Variants in MAP2 observed in about 807,000 individuals in gnomAD.
MAP2 encodes microtubule associated protein 2, also known as microtubule-associated protein 2.
Under a neutral mutation model 137.6 loss-of-function variants are expected in MAP2, and 14 were observed. The observed-to-expected ratio is 0.10, with a 90% confidence interval of 0.07 to 0.16. The LOEUF is 0.16. Ranked by LOEUF, MAP2 falls within the 10% of genes least tolerant of loss-of-function variation. The pLI, the probability that MAP2 is intolerant of heterozygous loss-of-function variation, is 1.00. For missense variants in MAP2, 2,088 were observed against 2,191.5 expected, an observed-to-expected ratio of 0.95 and a Z score of 0.94; for synonymous variants, 786 against 782.3, an observed-to-expected ratio of 1.00 and a Z score of -0.08.
chr2:209,589,189 A>G (rs149906247), intron 3 of MAP2, among the ~76,000 whole-genome samples: 1 of 152,272 alleles, frequency 6.6e-6, no homozygotes, highest in East Asian at 1.9e-4. Flanking sequence ...TCACTTCTGT[A>G]CCACTTTTAA....
intron 4 of MAP2, among the ~76,000 whole-genome samples, chr2:209,645,568 T>C (rs1275896534): frequency 6.6e-6 from 1 of 152,204 alleles, no homozygotes; most frequent in Non-Finnish European, 1.5e-5. Context: ...AGACATTTTG[T>C]GTGGAAAATA....
At chr2:209,512,309 A>G (rs1201113876) in intron 2 of MAP2, among the ~76,000 whole-genome samples, 1 of 151,988 alleles carries the variant, frequency 6.6e-6, no homozygotes, top group Non-Finnish European at 1.5e-5. Flanking sequence ...ATTACATTTT[A>G]ATGCAAAAAA....
At chr2:209,561,568 A>G (rs2072100040) in intron 2 of MAP2, among the ~76,000 whole-genome samples, 1 of 152,224 alleles carries the variant, frequency 6.6e-6, no homozygotes, top group Non-Finnish European at 1.5e-5. Context: ...AGGTCTGATT[A>G]TTATGTGTAA....
At chr2:209,712,169 C>T (rs987428686) in intron 13 of MAP2, among the ~76,000 whole-genome samples, 3 of 152,032 alleles carry the variant, frequency 2.0e-5, no homozygotes, top group Admixed American at 6.6e-5. Flanking sequence ...AATGTGAAGA[C>T]GTCTGTTTTC....
chr2:209,568,484 G>A (rs972015102), intron 2 of MAP2, among the ~76,000 whole-genome samples: 1 of 151,864 alleles, frequency 6.6e-6, no homozygotes, highest in African/African-American at 2.4e-5. Flanking sequence ...AATTTAAATG[G>A]ATTGGCACTA....
At chr2:209,620,138 C>G (rs953063899) in intron 3 of MAP2, among the ~76,000 whole-genome samples, 3 of 152,166 alleles carry the variant, frequency 2.0e-5, no homozygotes, top group Non-Finnish European at 4.4e-5. Flanking sequence ...TGTGTAAAGC[C>G]TCTGAGACTT....
intron 2 of MAP2, among the ~76,000 whole-genome samples, chr2:209,523,609 G>A (rs1455079919): frequency 6.6e-6 from 1 of 152,150 alleles, no homozygotes. Context: ...GGCTCCTGTC[G>A]TAATTCAGCA....
At chr2:209,585,995 A>G (rs540801779) in intron 3 of MAP2, among the ~76,000 whole-genome samples, 1 of 152,292 alleles carries the variant, frequency 6.6e-6, no homozygotes, top group East Asian at 1.9e-4. Flanking sequence ...ACAGACTCAG[A>G]GAGTTGCACA....
intron 2 of MAP2, among the ~76,000 whole-genome samples, chr2:209,530,864 A>T (rs2065007548): frequency 6.6e-6 from 1 of 152,114 alleles, no homozygotes; most frequent in Non-Finnish European, 1.5e-5. Flanking sequence ...TGGGTTGCAA[A>T]ATGTGTCTTT....
At chr2:209,524,810 T>C (rs2063783168) in intron 2 of MAP2, among the ~76,000 whole-genome samples, 1 of 152,168 alleles carries the variant, frequency 6.6e-6, no homozygotes. Context: ...TTCTATGGAT[T>C]ACAAAGGGTG....
chr2:209,641,402 A>T (rs1181338272), intron 4 of MAP2, among the ~76,000 whole-genome samples: 1 of 152,104 alleles, frequency 6.6e-6, no homozygotes, highest in Non-Finnish European at 1.5e-5. Flanking sequence ...ATGTATGCTT[A>T]TGTAAGAAAA....
chr2:209,568,152 A>C (rs2153366773), intron 2 of MAP2, among the ~76,000 whole-genome samples: 1 of 152,106 alleles, frequency 6.6e-6, no homozygotes, highest in Admixed American at 6.5e-5. Flanking sequence ...ACCTTGGTAC[A>C]AGGACTAGAG....
At chr2:209,429,836 A>G (rs1350306672) in intron 1 of MAP2, among the ~76,000 whole-genome samples, 1 of 152,162 alleles carries the variant, frequency 6.6e-6, no homozygotes, top group East Asian at 1.9e-4. Flanking sequence ...TTGTTAATGC[A>G]TGGTGCTGAA....
chr2:209,474,723 A>T (rs1706728874), intron 1 of MAP2, among the ~76,000 whole-genome samples: 1 of 152,092 alleles, frequency 6.6e-6, no homozygotes. Flanking sequence ...TTAAAGCTCG[A>T]AATGGGTGAT....
intron 12 of MAP2, among the ~76,000 whole-genome samples, chr2:209,708,778 A>C (rs139929198): frequency 6.6e-6 from 1 of 152,172 alleles, no homozygotes; most frequent in East Asian, 1.9e-4. Flanking sequence ...TGAAATTTGC[A>C]TGCTTAAAAA....
At chr2:209,724,417 A>G (rs918805755) in intron 13 of MAP2, among the ~76,000 whole-genome samples, 1 of 152,198 alleles carries the variant, frequency 6.6e-6, no homozygotes, top group East Asian at 1.9e-4. Context: ...TAGTTTTTCA[A>G]AGGTGATCAG....
At chr2:209,654,050 G>A (rs2094974475) in intron 5 of MAP2, among the ~76,000 whole-genome samples, 1 of 152,134 alleles carries the variant, frequency 6.6e-6, no homozygotes, top group African/African-American at 2.4e-5. Flanking sequence ...GTATAGAAAG[G>A]CAAAGTTTAA....
Position 209,693,902 on chromosome 2 carries a change from T to G in MAP2, c.1732T>G (p.Leu578Val). 3 of 1,611,156 alleles carry G rather than the reference T, an allele frequency of 1.9e-6. No homozygotes were observed. Among genetic ancestry groups the G allele is most frequent in the East Asian group, 4.5e-5 (2 of 44,868 alleles). The part of the protein sequence containing the change: ...GMSKYFETSA[L>V]KEEATKSIEP... ...GTCCAAGTACTTTGAAACATCTGCC[T>G]TGAAAGAAGAAGCAACAAAAAGCAT... Residue 578 changes from leucine to valine, a missense_variant, in exon 8 of 16, where the codon TTG (leucine) becomes GTG (valine). By Grantham distance (32) the Leu-to-Val change is conservative. Around this residue, in one of 6 missense-constraint regions of MAP2, gnomAD observed 859 missense variants for 794.5 expected, o/e 1.08. Coordinates refer to ENST00000682079, the MANE Select transcript of MAP2 (RefSeq NM_001375505.1).
At chr2:209,437,215 C>T (rs1223478738) in intron 1 of MAP2, among the ~76,000 whole-genome samples, 1 of 151,638 alleles carries the variant, frequency 6.6e-6, no homozygotes, top group Non-Finnish European at 1.5e-5. Context: ...TGCTTCTGAA[C>T]CTTTCACTGT....
Sources: allele counts gnomAD v4.1 joint callset (sites outside exome capture counted in the v4.1 genomes callset), GRCh38; gene constraint gnomAD v4.1.1; regional missense constraint gnomAD v4.1.1; transcripts MANE v1.5; gene names NCBI Gene and HGNC (gene_info 2026-07-23, HGNC 2026-07-21).